PHACTR2: variants seen among roughly 807,000 people sequenced by gnomAD.
PHACTR2 encodes the protein phosphatase and actin regulator 2.
A neutral mutation model predicts 76.0 loss-of-function variants in PHACTR2; 30 were observed. The observed-to-expected ratio is 0.39, with a 90% confidence interval of 0.30 to 0.54. The LOEUF (loss-of-function observed/expected upper bound fraction) is 0.54, where lower values mean the gene tolerates loss of function less well. Ranked by LOEUF, PHACTR2 falls within the 20% of genes least tolerant of loss-of-function variation. PHACTR2 has a pLI of 0.61. For synonymous variants in PHACTR2, 292 were observed against 292.5 expected, an observed-to-expected ratio of 1.00 and a Z score of 0.02; for missense variants, 696 against 781.1, an observed-to-expected ratio of 0.89 and a Z score of 1.30.
rs1209610803 is a variant in PHACTR2, at chr6:143,580,392, G to A, written c.217+43185G>A. Among the ~76,000 whole-genome samples, 16 of 152,256 alleles carry A rather than the reference G, an allele frequency of 1.1e-4. No individual in the cohort carries two copies. In the East Asian group the frequency reaches 3.1e-3, roughly 29 times the overall value. On this transcript the variant is annotated intron_variant, in intron 1 of 11. Transcript: ENST00000367584. The surrounding 1 kb of genome is among the most constrained non-coding windows in gnomAD (Gnocchi z 4.2). ...CCCAGCTACTCTGGAGGCTGAGGCA[G>A]GAGAATGGCGTGAACCCAGGAGGCG...
intron 1 of PHACTR2, among the ~76,000 whole-genome samples, chr6:143,692,654 T>C (rs967107027): frequency 5.3e-5 from 8 of 152,212 alleles, no homozygotes; most frequent in Non-Finnish European, 2.9e-5. Context: ...CAAGAATGTT[T>C]TAATTTAGGA....
At chr6:143,796,586 G>A (rs961320164) in intron 11 of PHACTR2, among the ~76,000 whole-genome samples, 17 of 151,296 alleles carry the variant, frequency 1.1e-4, no homozygotes, top group Non-Finnish European at 1.9e-4. Flanking sequence ...ACAGGCCCCA[G>A]TGTGTGATGT....
rs147539263 is a variant in PHACTR2, at chr6:143,702,328, C to T, written c.47-9688C>T. Among the ~76,000 whole-genome samples, 1,036 of 152,120 alleles carry T rather than the reference C, an allele frequency of 6.8e-3. 14 individuals are homozygous for T. Among genetic ancestry groups the T allele is most frequent in the African/African-American group, 0.022 (911 of 41,492 alleles). On this transcript the variant is annotated intron_variant, in intron 1 of 12. Coordinates refer to ENST00000440869, the MANE Select transcript of PHACTR2 (RefSeq NM_001100164.2). ...TTCACCATGTTGGCCGGGATGGTCTCGATCTCTTGACCTTGTGATCTGCCC... is the reference window on the plus strand; with the variant it reads ...TTCACCATGTTGGCCGGGATGGTCTTGATCTCTTGACCTTGTGATCTGCCC...
Position 143,623,082 on chromosome 6 carries a change from T to C in PHACTR2, c.13+14760T>C, listed in dbSNP as rs1776188101. On this transcript the variant is annotated intron_variant, in intron 1 of 11. Transcript: ENST00000305766. This position sits in a 1 kb window ranked among gnomAD's most constrained non-coding sequence, Gnocchi z 5.9. ...ATGTCAAATATGCCGGTGAAGAGTTTGAATAAAATGTTTTCAGGAAATGTG... is the reference window on the plus strand; with the variant it reads ...ATGTCAAATATGCCGGTGAAGAGTTCGAATAAAATGTTTTCAGGAAATGTG... 6.6e-6 allele frequency among the ~76,000 whole-genome samples: 1 copy of C among 152,190 alleles called. No individual in the cohort carries two copies. The highest frequency in any genetic ancestry group is 1.5e-5 in the Non-Finnish European group (1 of 68,042).
intron 1 of PHACTR2, among the ~76,000 whole-genome samples, chr6:143,622,548 C>A (rs1463455804): frequency 6.6e-6 from 1 of 152,156 alleles, no homozygotes; most frequent in Non-Finnish European, 1.5e-5. Context: ...TGTTACCAAG[C>A]TACAGAATGT....
At chr6:143,762,700 A>T (rs1017908078) in intron 5 of PHACTR2, among the ~76,000 whole-genome samples, 3 of 152,232 alleles carry the variant, frequency 2.0e-5, no homozygotes, top group Non-Finnish European at 4.4e-5. Context: ...TGTTAAAACA[A>T]CCATAAGTTA....
intron 1 of PHACTR2, among the ~76,000 whole-genome samples, chr6:143,569,392 T>G (rs1405795507): frequency 6.6e-6 from 1 of 152,186 alleles, no homozygotes; most frequent in Non-Finnish European, 1.5e-5. Context: ...ACAATGGACT[T>G]TATGTAATTG....
intron 2 of PHACTR2, among the ~76,000 whole-genome samples, chr6:143,746,957 A>T (rs938551349): frequency 6.6e-6 from 1 of 152,188 alleles, no homozygotes; most frequent in Admixed American, 6.5e-5. Context: ...GAGGAATCTA[A>T]AGGAAGGGAG....
chr6:143,771,216 A>ATG (rs1775124420), intron 6 of PHACTR2, among the ~76,000 whole-genome samples: 2 of 97,826 alleles, frequency 2.0e-5, no homozygotes, highest in African/African-American at 5.0e-5. Flanking sequence ...ATATATATAT[A>ATG]TATATATATA....
Position 143,739,169 on chromosome 6 carries a change from G to A in PHACTR2, c.215-9816G>A, listed in dbSNP as rs1262880407. Among the ~76,000 whole-genome samples the A allele has an allele frequency of 6.6e-6, 1 of 152,062 alleles. No individual in the cohort carries two copies. The highest frequency in any genetic ancestry group is 1.5e-5 in the Non-Finnish European group (1 of 67,988). On this transcript the variant is annotated intron_variant, in intron 2 of 12. Transcript: ENST00000440869. The surrounding 1 kb of genome is among the most constrained non-coding windows in gnomAD (Gnocchi z 4.3). ...AAGCTCCGCCTCCCGGGTTCACTCC[G>A]TTCTCCTGCCTCAGCCTCCCAAGTA...
At position 143,777,195 on chromosome 6, in the gene PHACTR2, CTT is replaced by C. The variant is rs1775301338; in HGVS notation, c.1590-130_1590-129del. ...AGTCTCCAAACTAATGGGAAGGAGA[CTT>C]TTATTTTGCAGCTTTAAAAATGGAT... On this transcript the variant is annotated intron_variant, in intron 8 of 12. Coordinates refer to ENST00000440869, the MANE Select transcript of PHACTR2 (RefSeq NM_001100164.2). This position sits in a 1 kb window ranked among gnomAD's most constrained non-coding sequence, Gnocchi z 4.6. The C allele has an allele frequency of 3.6e-6, 2 of 555,566 alleles. No homozygotes were observed. Among genetic ancestry groups the C allele is most frequent in the Admixed American group, 3.5e-5 (1 of 28,710 alleles). 34.4% of individuals were successfully genotyped at this position (555,566 alleles called of 1,614,324 possible). A position where few individuals can be genotyped will look rare whatever the true frequency, so the allele number is the denominator to read the frequency against.
intron 1 of PHACTR2, among the ~76,000 whole-genome samples, chr6:143,636,106 T>C (rs190257593): frequency 1.0e-4 from 11 of 108,454 alleles, no homozygotes; most frequent in African/African-American, 3.9e-4. Context: ...TCCCAGCTAG[T>C]CAGGAGGCTG....
rs1013086766 is a variant in PHACTR2 at position 143,672,287 on chromosome 6, CAAA to C, written c.14-39717_14-39715del. Among the ~76,000 whole-genome samples, 18 of 116,720 alleles carry C rather than the reference CAAA, an allele frequency of 1.5e-4. No individual in the cohort carries two copies. Among genetic ancestry groups the C allele is most frequent in the African/African-American group, 7.4e-4 (16 of 21,584 alleles). 76.6% of individuals were successfully genotyped at this position (116,720 alleles called of 152,430 possible). A position where few individuals can be genotyped will look rare whatever the true frequency, so the allele number is the denominator to read the frequency against. Reference sequence around the variant, plus strand: ...GCAATATAGTGAGACCCTATCTCTACAAAAAAAAAAAAAATTACAAATAATTAG... The same window carrying C: ...GCAATATAGTGAGACCCTATCTCTACAAAAAAAAAAATTACAAATAATTAG... On this transcript the variant is annotated intron_variant, in intron 1 of 11. Coordinates refer to the PHACTR2 transcript ENST00000305766. This position sits in a 1 kb window ranked among gnomAD's most constrained non-coding sequence, Gnocchi z 5.8.
At chr6:143,732,481 C>T (rs1377316845) in intron 2 of PHACTR2, among the ~76,000 whole-genome samples, 2 of 152,228 alleles carry the variant, frequency 1.3e-5, no homozygotes, top group African/African-American at 2.4e-5. Flanking sequence ...AAATACCAAA[C>T]ATTCCATTGT....
chr6:143,550,348 C>T lies in PHACTR2; in HGVS notation c.217+13141C>T, dbSNP rs776867717. Among the ~76,000 whole-genome samples, 1 of 151,940 alleles carries T rather than the reference C, an allele frequency of 6.6e-6. No individual in the cohort carries two copies. Among genetic ancestry groups the T allele is most frequent in the African/African-American group, 2.4e-5 (1 of 41,384 alleles). On this transcript the variant is annotated intron_variant, in intron 1 of 11. Coordinates refer to the PHACTR2 transcript ENST00000367584. The surrounding 1 kb of genome is among the most constrained non-coding windows in gnomAD (Gnocchi z 4.8). Reference sequence around the variant, plus strand: ...GTCTGTATGGAGAGCTTTTAATGGGCCTGTCAACTATTTTAAGGACTGATT... The same window carrying T: ...GTCTGTATGGAGAGCTTTTAATGGGTCTGTCAACTATTTTAAGGACTGATT...
rs184776972 is a variant in PHACTR2, at chr6:143,543,515, C to T, written c.217+6308C>T. On this transcript the variant is annotated intron_variant, in intron 1 of 11. Coordinates refer to the PHACTR2 transcript ENST00000367584. The surrounding 1 kb of genome is among the most constrained non-coding windows in gnomAD (Gnocchi z 4.7). ...GGCCTGGGGGAGAACCTAGGATGGT[C>T]GGCTATAGGGAATGGCTGTGGGGAG... Among the ~76,000 whole-genome samples, 36 of 152,218 alleles carry T rather than the reference C, an allele frequency of 2.4e-4. 1 individual carries two copies. The highest frequency in any genetic ancestry group is 3.4e-3 in the Middle Eastern group (1 of 294).
rs1353990131 is a variant in PHACTR2 at position 143,539,562 on chromosome 6, A to G, written c.217+2355A>G. 6.6e-6 allele frequency among the ~76,000 whole-genome samples: 1 copy of G among 152,194 alleles called. No individual in the cohort carries two copies. The highest frequency in any genetic ancestry group is 1.9e-4 in the East Asian group (1 of 5,194). Reference sequence around the variant, plus strand: ...ATCTCTGAATTATCTCAGAGGCACAATAAGAGGGTTACACGCCTTGTAAAA... The same window carrying G: ...ATCTCTGAATTATCTCAGAGGCACAGTAAGAGGGTTACACGCCTTGTAAAA... On this transcript the variant is annotated intron_variant, in intron 1 of 11. Coordinates refer to the PHACTR2 transcript ENST00000367584. This position sits in a 1 kb window ranked among gnomAD's most constrained non-coding sequence, Gnocchi z 4.3.
rs771539670 is a variant in PHACTR2 at position 143,646,494 on chromosome 6, A to G, written c.13+38172A>G. 3.8e-4 allele frequency among the ~76,000 whole-genome samples: 58 copies of G among 152,224 alleles called. No homozygotes were observed. The highest frequency in any genetic ancestry group is 4.1e-4 in the South Asian group (2 of 4,834). On this transcript the variant is annotated intron_variant, in intron 1 of 11. Coordinates refer to the PHACTR2 transcript ENST00000305766. This position sits in a 1 kb window ranked among gnomAD's most constrained non-coding sequence, Gnocchi z 4.1. ...GGCAAACACATACATGTATTTTAAC[A>G]TAATATGATGACTACTTAGACATAA...
Position 143,684,300 on chromosome 6 carries a change from A to G in PHACTR2, c.46+6091A>G, listed in dbSNP as rs185764274. ...CCCTTGACTTTCTACATTTCACCAAATGATACCCCAACCACTCACTTATTC... is the reference window on the plus strand; with the variant it reads ...CCCTTGACTTTCTACATTTCACCAAGTGATACCCCAACCACTCACTTATTC... On this transcript the variant is annotated intron_variant, in intron 1 of 12. Coordinates refer to ENST00000440869, the MANE Select transcript of PHACTR2 (RefSeq NM_001100164.2). The surrounding 1 kb of genome is among the most constrained non-coding windows in gnomAD (Gnocchi z 4.3). Among the ~76,000 whole-genome samples, 479 of 152,250 alleles carry G rather than the reference A, an allele frequency of 3.1e-3. 9 individuals are homozygous for G. The highest frequency in any genetic ancestry group is 3.5e-3 in the Non-Finnish European group (235 of 68,018).
Sources: gnomAD v4.1 joint callset for allele counts (sites outside exome capture counted in the v4.1 genomes callset) on GRCh38, gnomAD v4.1.1 for gene constraint, Gnocchi (gnomAD v3.1) non-coding constraint, MANE v1.5 for transcripts, NCBI Gene and HGNC (gene_info 2026-07-23, HGNC 2026-07-21) for gene names.